PCDHGA3: variants seen among roughly 807,000 people sequenced by gnomAD.
PCDHGA3 encodes the protein protocadherin gamma subfamily A, 3.
A neutral mutation model predicts 58.5 loss-of-function variants in PCDHGA3; 40 were observed. The ratio of observed to expected loss-of-function variants is 0.68; its 90% confidence interval spans 0.53 to 0.89. The LOEUF (loss-of-function observed/expected upper bound fraction) is 0.89. PCDHGA3 is among the 40% of genes least tolerant of loss of function. PCDHGA3 has a pLI of 0.00. For missense variants in PCDHGA3, 1,223 were observed against 1,195.9 expected (o/e 1.02, Z -0.33); for synonymous variants, 530 against 525.7 (o/e 1.01, Z -0.11).
chr5:141,414,864 G>A (rs766848727), intron 1 of PCDHGA3: 2 of 1,614,174 alleles, frequency 1.2e-6, no homozygotes, highest in South Asian at 2.2e-5. Context: ...ACGACAATGC[G>A]CCCGAGATCC....
intron 1 of PCDHGA3, chr5:141,389,008 G>C (rs1264850198): frequency 6.2e-7 from 1 of 1,613,992 alleles, no homozygotes; most frequent in Admixed American, 1.7e-5. Context: ...AAGGATTCCA[G>C]ACACAATGGA....
At chr5:141,507,810 G>C (rs550331241) in intron 3 of PCDHGA3, among the ~76,000 whole-genome samples, 5 of 152,172 alleles carry the variant, frequency 3.3e-5, no homozygotes, top group Non-Finnish European at 2.9e-5. Context: ...CCTGGGGAAC[G>C]GACCCTGGGG....
At chr5:141,346,894 T>C (rs1757822935) in intron 1 of PCDHGA3, among the ~76,000 whole-genome samples, 1 of 152,238 alleles carries the variant, frequency 6.6e-6, no homozygotes, top group Non-Finnish European at 1.5e-5. Context: ...TAGCTTATCC[T>C]GATACATACA....
intron 1 of PCDHGA3, among the ~76,000 whole-genome samples, chr5:141,380,341 G>A (rs1359705635): frequency 6.6e-6 from 1 of 152,024 alleles, no homozygotes; most frequent in Non-Finnish European, 1.5e-5. Context: ...TCAAAGAACT[G>A]TTTTGTTGTT....
chr5:141,409,881 C>T (rs2095330257), intron 1 of PCDHGA3: 1 of 1,612,978 alleles, frequency 6.2e-7, no homozygotes, highest in Non-Finnish European at 8.5e-7. Context: ...GACAACGCAC[C>T]GCGGGTGCTG....
chr5:141,411,573 GA>G (rs2095500797), intron 1 of PCDHGA3: 1 of 152,244 alleles, frequency 6.6e-6, no homozygotes, highest in Middle Eastern at 3.4e-3. Flanking sequence ...GACAGAGTGC[GA>G]CCCTGTCTCT....
Position 141,409,997 on chromosome 5 carries a change from G to A in PCDHGA3, c.2424+63540G>A. 1.9e-6 allele frequency: 3 copies of A among 1,613,224 alleles called. No homozygotes were observed. The African/African-American group carries it at 4.0e-5, about 22-fold the overall frequency. ...GGTGGTAGCGGTGGACGCCGACTCG[G>A]GACACAACGCCTGGCTGTCCTACCA... On this transcript the variant is annotated intron_variant, in intron 1 of 3. Coordinates refer to ENST00000253812, the MANE Select transcript of PCDHGA3 (RefSeq NM_018916.4).
chr5:141,394,321 C>T lies in PCDHGA3; in HGVS notation c.2424+47864C>T, dbSNP rs11575959. ...ACGCTGCAGGGGGCGCCCCTGTCCT[C>T]GTATATCTCCATCAACTCTGACACC... On this transcript the variant is annotated intron_variant, in intron 1 of 3. Coordinates refer to ENST00000253812, the MANE Select transcript of PCDHGA3 (RefSeq NM_018916.4). 25 of 1,613,846 alleles carry T rather than the reference C, an allele frequency of 1.5e-5. No homozygotes were observed. The Admixed American group carries it at 2.7e-4, about 17-fold the overall frequency.
intron 1 of PCDHGA3, chr5:141,376,397 C>T (rs761002002): frequency 6.8e-6 from 11 of 1,614,110 alleles, no homozygotes; most frequent in South Asian, 3.3e-5. Flanking sequence ...GATTTTCCCC[C>T]AGCCCAACTA....
intron 1 of PCDHGA3, chr5:141,371,712 C>CTGCA: frequency 1.2e-6 from 2 of 1,614,078 alleles, no homozygotes; most frequent in Non-Finnish European, 1.7e-6. Context: ...GACCATCACT[C>CTGCA]TGCACATCCT....
intron 1 of PCDHGA3, chr5:141,384,439 C>A (rs1314559914): frequency 6.2e-7 from 1 of 1,614,016 alleles, no homozygotes; most frequent in South Asian, 1.1e-5. Flanking sequence ...CACTGGAGTC[C>A]TGTACGCGCT....
chr5:141,361,468 G>C, intron 1 of PCDHGA3: 3 of 1,614,008 alleles, frequency 1.9e-6, no homozygotes, highest in Non-Finnish European at 2.5e-6. Context: ...CATCTCCGAC[G>C]TCAACGATAA....
intron 1 of PCDHGA3, chr5:141,356,480 A>G: frequency 1.2e-6 from 2 of 1,613,992 alleles, no homozygotes; most frequent in South Asian, 2.2e-5. Flanking sequence ...GCCACTGACC[A>G]GGGAACTCCT....
intron 1 of PCDHGA3, among the ~76,000 whole-genome samples, chr5:141,488,238 C>T (rs374846692): frequency 5.3e-5 from 8 of 152,036 alleles, no homozygotes; most frequent in Non-Finnish European, 1.0e-4. Flanking sequence ...GAACTAGATG[C>T]GGTAAATTGG....
At chr5:141,420,086 TAC>T (rs1396904191) in intron 1 of PCDHGA3, 2 of 1,614,002 alleles carry the variant, frequency 1.2e-6, no homozygotes, top group Non-Finnish European at 1.7e-6. Context: ...TCCCCCCAAC[TAC>T]AGTGAGGGAA....
chr5:141,393,893 T>C (rs761049644), intron 1 of PCDHGA3: 7 of 1,614,034 alleles, frequency 4.3e-6, no homozygotes, highest in Non-Finnish European at 5.1e-6. Flanking sequence ...TAGAAAATTC[T>C]CTTCCCGGGA....
At chr5:141,370,704 C>T (rs1767132773) in intron 1 of PCDHGA3, 1 of 1,613,760 alleles carries the variant, frequency 6.2e-7, no homozygotes, top group African/African-American at 1.3e-5. Context: ...GACGTGTGTT[C>T]TGGAATTTGA....
intron 1 of PCDHGA3, chr5:141,408,693 T>C (rs1561714723): frequency 6.2e-6 from 10 of 1,613,768 alleles, no homozygotes; most frequent in Non-Finnish European, 8.5e-6. Flanking sequence ...GATATAAACA[T>C]AAACTCAATT....
At chr5:141,455,020 G>A (rs201196115) in intron 1 of PCDHGA3, among the ~76,000 whole-genome samples, 1 of 151,166 alleles carries the variant, frequency 6.6e-6, no homozygotes, top group African/African-American at 2.4e-5. Context: ...CACCGTGTTA[G>A]CCAGGATGGT....
Sources: gnomAD v4.1 joint callset for allele counts (sites outside exome capture counted in the v4.1 genomes callset) on GRCh38, gnomAD v4.1.1 for gene constraint, MANE v1.5 for transcripts, NCBI Gene and HGNC (gene_info 2026-07-23, HGNC 2026-07-21) for gene names.